The following FILIP1 variants were observed in gnomAD, a reference collection of about 807,000 sequenced individuals.
The protein encoded by FILIP1 is filamin A interacting protein 1, also known as filamin-A-interacting protein 1.
A neutral mutation model predicts 102.1 loss-of-function variants in FILIP1; 61 were observed. That is an observed-to-expected ratio of 0.60 (90% CI 0.49 to 0.74). The LOEUF (loss-of-function observed/expected upper bound fraction) is 0.74, where lower values mean the gene tolerates loss of function less well. Among genes scored for constraint, FILIP1 ranks in the 30% least tolerant of loss-of-function variants. The pLI is 0.00. For synonymous variants in FILIP1, 491 were observed against 526.9 expected, an observed-to-expected ratio of 0.93 and a Z score of 0.93; for missense variants, 1,314 against 1,441.2, an observed-to-expected ratio of 0.91 and a Z score of 1.43.
chr6:75,425,478 A>C (rs1323380902), intron 1 of FILIP1, among the ~76,000 whole-genome samples: 1 of 152,118 alleles, frequency 6.6e-6, no homozygotes, highest in African/African-American at 2.4e-5. Context: ...TTAGACTCCT[A>C]TCTTCTCTAC....
chr6:75,407,666 A>G (rs1776920852), intron 2 of FILIP1, among the ~76,000 whole-genome samples: 1 of 152,180 alleles, frequency 6.6e-6, no homozygotes, highest in Non-Finnish European at 1.5e-5. Flanking sequence ...ACCAACGCCA[A>G]ATGGAATAGT....
chr6:75,345,190 C>T (rs1332564376), intron 4 of FILIP1, among the ~76,000 whole-genome samples: 1 of 152,020 alleles, frequency 6.6e-6, no homozygotes, highest in African/African-American at 2.4e-5. Flanking sequence ...TTGCTCAAGC[C>T]CTCCCTTTCA....
intron 4 of FILIP1, among the ~76,000 whole-genome samples, chr6:75,346,282 T>A (rs954983460): frequency 1.3e-5 from 2 of 152,230 alleles, no homozygotes; most frequent in African/African-American, 4.8e-5. Context: ...CTTGATTAAT[T>A]AGAAATTTCT....
chr6:75,323,712 C>G (rs898029615), intron 4 of FILIP1, among the ~76,000 whole-genome samples: 1 of 152,160 alleles, frequency 6.6e-6, no homozygotes, highest in Non-Finnish European at 1.5e-5. Context: ...AAATAAGGGG[C>G]ATGCAAACTG....
chr6:75,490,060 A>G (rs922841269), intron 1 of FILIP1, among the ~76,000 whole-genome samples: 1 of 152,130 alleles, frequency 6.6e-6, no homozygotes, highest in Non-Finnish European at 1.5e-5. Flanking sequence ...ATCTTAAGGC[A>G]TATGTTTTAT....
chr6:75,452,305 G>A lies in FILIP1; in HGVS notation c.-6-37327C>T, dbSNP rs865948090. Among the ~76,000 whole-genome samples, 3 of 149,784 alleles carry A rather than the reference G, an allele frequency of 2.0e-5. No homozygotes were observed. In the South Asian group the frequency reaches 6.3e-4, roughly 32 times the overall value. ...CCCGGTGTGTGATATTCCCCTTCCT[G>A]TGTCCATGTGTTCTCATTGTTTAAT... is the stretch of plus-strand genomic sequence containing the variant. On this transcript the variant is annotated intron_variant, in intron 1 of 5. Transcript: ENST00000237172.
intron 1 of FILIP1, among the ~76,000 whole-genome samples, chr6:75,469,807 T>C (rs1779278445): frequency 6.6e-6 from 1 of 152,120 alleles, no homozygotes; most frequent in Non-Finnish European, 1.5e-5. Context: ...CTTAGTCATA[T>C]GATTTAGGAG....
At chr6:75,315,484 G>A (rs1459304299) in intron 4 of FILIP1, among the ~76,000 whole-genome samples, 1 of 152,148 alleles carries the variant, frequency 6.6e-6, no homozygotes, top group East Asian at 1.9e-4. Context: ...CTTACCTTAT[G>A]AAATTTCAGT....
At chr6:75,361,314 A>C (rs995065528) in intron 3 of FILIP1, among the ~76,000 whole-genome samples, 4 of 152,168 alleles carry the variant, frequency 2.6e-5, no homozygotes, top group Non-Finnish European at 1.5e-5. Context: ...GGAGGCAGTA[A>C]TCCTGGGTAA....
At chr6:75,358,387 T>G (rs1489307043) in intron 3 of FILIP1, 1 of 152,190 alleles carries the variant, frequency 6.6e-6, no homozygotes, top group Non-Finnish European at 1.5e-5. Context: ...TCAGACATTG[T>G]TGAATCAGAA....
intron 2 of FILIP1, among the ~76,000 whole-genome samples, chr6:75,410,282 A>G (rs931663115): frequency 3.3e-5 from 5 of 152,134 alleles, no homozygotes; most frequent in African/African-American, 4.8e-5. Context: ...AGAGTAACTT[A>G]TCTCATAAGG....
chr6:75,395,257 A>T (rs1776422541), intron 2 of FILIP1, among the ~76,000 whole-genome samples: 1 of 152,170 alleles, frequency 6.6e-6, no homozygotes, highest in Non-Finnish European at 1.5e-5. Context: ...TTCAAAATTT[A>T]AACTAAAATA....
chr6:75,413,751 C>G (rs1777157339), intron 2 of FILIP1, among the ~76,000 whole-genome samples: 1 of 147,038 alleles, frequency 6.8e-6, no homozygotes, highest in African/African-American at 2.5e-5. Flanking sequence ...AAAATGAAAA[C>G]AGTAGCTCCA....
At chr6:75,478,553 T>A (rs1779554462) in intron 1 of FILIP1, among the ~76,000 whole-genome samples, 1 of 152,166 alleles carries the variant, frequency 6.6e-6, no homozygotes, top group African/African-American at 2.4e-5. Context: ...CTGGTGGTGA[T>A]AGAGGCATGA....
chr6:75,363,051 C>A, intron 2 of FILIP1, 134 bp from the exon 3 acceptor site: 1 of 819,052 alleles, frequency 1.2e-6, no homozygotes, highest in South Asian at 2.2e-5. Context: ...GGGTATTCTG[C>A]TCTAATTTTT....
Position 75,313,653 on chromosome 6 carries a change from G to C in FILIP1, c.2179C>G (p.Leu727Val). The C allele has an allele frequency of 1.3e-6, 2 of 1,582,286 alleles. No homozygotes were observed. Among genetic ancestry groups the C allele is most frequent in the South Asian group, 1.2e-5 (1 of 84,314 alleles). Residue 727 changes from leucine to valine, a missense_variant, in exon 5 of 6, where the codon CTT becomes GTT. Physicochemically the swap from Leu to Val is conservative, Grantham distance 32. Transcript: ENST00000237172. The surrounding 1 kb of genome is among the most constrained non-coding windows in gnomAD (Gnocchi z 4.2). ...ATTAATTCGTGAATCTTCTCTTTAA[G>C]AGCTTGTACTTCGGCTTTTAAGTCT... Reference protein sequence around the residue: ...SRDLKAEVQALKEKIHELMNK... With the variant: ...SRDLKAEVQAVKEKIHELMNK...
chr6:75,364,397 T>C lies in FILIP1; in HGVS notation c.277-1480A>G, dbSNP rs554944560. Among the ~76,000 whole-genome samples the C allele has an allele frequency of 7.9e-5, 12 of 152,284 alleles. No individual in the cohort carries two copies. In the East Asian group the frequency reaches 2.3e-3, roughly 29 times the overall value. Reference sequence around the variant, plus strand: ...CTGAGTCAGAGCACAGCTTACGTAGTGAGTGAAGAGCAGGCTGTATTTTAG... The same window carrying C: ...CTGAGTCAGAGCACAGCTTACGTAGCGAGTGAAGAGCAGGCTGTATTTTAG... On this transcript the variant is annotated intron_variant, in intron 2 of 5. Coordinates refer to ENST00000237172, the MANE Select transcript of FILIP1 (RefSeq NM_015687.5).
chr6:75,415,075 C>CG, intron 1 of FILIP1, 97 bp from the exon 2 acceptor site: 1 of 1,158,372 alleles, frequency 8.6e-7, no homozygotes, highest in Non-Finnish European at 1.2e-6. Context: ...TTTACCACAT[C>CG]GCCAATAAGG....
At chr6:75,349,327 C>A (rs1774704329) in intron 4 of FILIP1, among the ~76,000 whole-genome samples, 1 of 152,066 alleles carries the variant, frequency 6.6e-6, no homozygotes, top group Non-Finnish European at 1.5e-5. Context: ...TTCTGGTGCC[C>A]GGAGAGTCCC....
Sources: gnomAD v4.1 joint callset for allele counts (sites outside exome capture counted in the v4.1 genomes callset) on GRCh38, gnomAD v4.1.1 for gene constraint, Gnocchi (gnomAD v3.1) non-coding constraint, MANE v1.5 for transcripts, NCBI Gene and HGNC (gene_info 2026-07-23, HGNC 2026-07-21) for gene names.